The following HECTD4 variants were observed in gnomAD, a reference collection of about 807,000 sequenced individuals.
The protein encoded by HECTD4 is HECT domain E3 ubiquitin protein ligase 4.
A neutral mutation model predicts 471.5 loss-of-function variants in HECTD4; 114 were observed. That is an observed-to-expected ratio of 0.24 (90% CI 0.21 to 0.28). The LOEUF (loss-of-function observed/expected upper bound fraction) is 0.28, where lower values mean the gene tolerates loss of function less well. HECTD4 is among the 10% of genes least tolerant of loss of function. HECTD4 has a pLI of 1.00. For missense variants in HECTD4, 3,866 were observed against 5,651.5 expected (o/e 0.68, Z 10.13); for synonymous variants, 2,012 against 2,256.0 (o/e 0.89, Z 3.07).
Position 112,324,070 on chromosome 12 carries a change from CTTT to C in HECTD4, c.178-4331_178-4329del, listed in dbSNP as rs1566112176. Among the ~76,000 whole-genome samples, 418 of 82,678 alleles carry C rather than the reference CTTT, an allele frequency of 5.1e-3. 84 individuals carry two copies. The highest frequency in any genetic ancestry group is 0.025 in the African/African-American group (359 of 14,306). The allele number at this position is 82,678 out of a possible 152,430, so 54.2% of individuals were successfully genotyped here. ...CCTTTCTTTCTTTCTTTCTTTCTTTCTTTCTTTCTTTCTTTCTTTCTTTCTTTC... is the reference window on the plus strand; with the variant it reads ...CCTTTCTTTCTTTCTTTCTTTCTTTCCTTTCTTTCTTTCTTTCTTTCTTTC... On this transcript the variant is annotated intron_variant, in intron 1 of 75. Coordinates refer to ENST00000682272, the MANE Select transcript of HECTD4 (RefSeq NM_001388303.1).
chr12:112,312,255 T>C (rs1018171164), intron 4 of HECTD4, among the ~76,000 whole-genome samples: 1 of 152,214 alleles, frequency 6.6e-6, no homozygotes, highest in Non-Finnish European at 1.5e-5. Flanking sequence ...TCATCAGTTA[T>C]GTAAGATTTA....
rs7961982 is a variant in HECTD4, at chr12:112,161,178, A to C, written c.*1209T>G. 6.6e-6 allele frequency: 1 copy of C among 152,248 alleles called. No individual in the cohort carries two copies. The highest frequency in any genetic ancestry group is 2.4e-5 in the African/African-American group (1 of 41,450). The allele number at this position is 152,248 out of a possible 1,614,324, so 9.4% of individuals were successfully genotyped here. ...ATTCTGTGAGACCTGGCAAGGCCCAAAGTGACAGTGTCCAACAAGATGGCC... is the reference window on the plus strand; with the variant it reads ...ATTCTGTGAGACCTGGCAAGGCCCACAGTGACAGTGTCCAACAAGATGGCC... On this transcript the variant is annotated 3_prime_UTR_variant, in exon 76 of 76. Transcript: ENST00000682272.
At chr12:112,342,068 G>A (rs1167453243) in intron 1 of HECTD4, among the ~76,000 whole-genome samples, 1 of 152,110 alleles carries the variant, frequency 6.6e-6, no homozygotes, top group Non-Finnish European at 1.5e-5. Flanking sequence ...ATGATTTATT[G>A]TTGAAGGCTA....
intron 1 of HECTD4, among the ~76,000 whole-genome samples, chr12:112,342,293 C>CA (rs1369167684): frequency 1.3e-5 from 2 of 151,972 alleles, no homozygotes; most frequent in Non-Finnish European, 2.9e-5. Flanking sequence ...CTGTTTTCAA[C>CA]AAAAAAATTA....
chr12:112,210,386 T>A, intron 49 of HECTD4, 134 bp from the exon 50 acceptor site: 1 of 902,586 alleles, frequency 1.1e-6, no homozygotes, highest in Non-Finnish European at 1.7e-6. Flanking sequence ...AGAAACCAGG[T>A]GGGGGCTGGA....
intron 1 of HECTD4, among the ~76,000 whole-genome samples, chr12:112,360,805 G>A (rs984911004): frequency 6.6e-6 from 1 of 152,040 alleles, no homozygotes; most frequent in Non-Finnish European, 1.5e-5. Flanking sequence ...CCAACATGGT[G>A]AAACCCCATC....
Position 112,357,326 on chromosome 12 carries a change from T to C in HECTD4, c.177+24626A>G, listed in dbSNP as rs1029864573. On this transcript the variant is annotated intron_variant, in intron 1 of 75. Coordinates refer to ENST00000682272, the MANE Select transcript of HECTD4 (RefSeq NM_001388303.1). ...GAAGAGAAAGAATTTAACTGTGAAG[T>C]AGACACGGACAGTGAGGAGATGTAG... 3.3e-5 allele frequency among the ~76,000 whole-genome samples: 5 copies of C among 152,132 alleles called. No homozygotes were observed. In the East Asian group the frequency reaches 7.7e-4, roughly 23 times the overall value.
chr12:112,365,103 A>G (rs940269033), intron 1 of HECTD4, among the ~76,000 whole-genome samples: 1 of 152,276 alleles, frequency 6.6e-6, no homozygotes, highest in Non-Finnish European at 1.5e-5. Flanking sequence ...TAACAGAAAT[A>G]CATAAAACAC....
chr12:112,258,647 G>T, intron 19 of HECTD4, 51 bp from the exon 20 acceptor site: 1 of 1,450,378 alleles, frequency 6.9e-7, no homozygotes, highest in Non-Finnish European at 9.4e-7. Context: ...TCAGTTATCT[G>T]AATGGTATGA....
Position 112,235,896 on chromosome 12 carries a change from A to G in HECTD4, c.5445-112T>C. On this transcript the variant is annotated intron_variant, in intron 35 of 75. Transcript: ENST00000682272. The surrounding 1 kb of genome is among the most constrained non-coding windows in gnomAD (Gnocchi z 5.0). ...CCAATGAAATCTGATTTCACGAGGA[A>G]TCATGAATGTGGCACTATGCTTCTG... 2 of 944,718 alleles carry G rather than the reference A, an allele frequency of 2.1e-6. No homozygotes were observed. The highest frequency in any genetic ancestry group is 3.1e-6 in the Non-Finnish European group (2 of 644,054). 58.5% of individuals were successfully genotyped at this position (944,718 alleles called of 1,614,324 possible).
At chr12:112,361,317 G>A (rs559858021) in intron 1 of HECTD4, among the ~76,000 whole-genome samples, 29 of 152,140 alleles carry the variant, frequency 1.9e-4, no homozygotes, top group Non-Finnish European at 3.7e-4. Flanking sequence ...GTCTCACTCT[G>A]TCGCCCAGGC....
intron 21 of HECTD4, 99 bp from the exon 22 acceptor site, chr12:112,254,261 T>C: frequency 7.1e-7 from 1 of 1,412,940 alleles, no homozygotes; most frequent in Admixed American, 2.0e-5. Flanking sequence ...AATACAATTA[T>C]AACCAGGCAT....
chr12:112,334,172 G>A (rs1035262889), intron 1 of HECTD4, among the ~76,000 whole-genome samples: 1 of 151,548 alleles, frequency 6.6e-6, no homozygotes, highest in Non-Finnish European at 1.5e-5. Flanking sequence ...TCATGCCACT[G>A]CACTCCAGCC....
chr12:112,279,118 T>C (rs1160025196), intron 9 of HECTD4, 110 bp downstream of exon 9: 1 of 851,488 alleles, frequency 1.2e-6, no homozygotes, highest in Non-Finnish European at 1.8e-6. Flanking sequence ...ATCAGAGAGC[T>C]ATTGCAAACA....
chr12:112,313,006 T>G lies in HECTD4; in HGVS notation c.916+11A>C. 6.5e-7 allele frequency: 1 copy of G among 1,534,124 alleles called. No individual in the cohort carries two copies. Among genetic ancestry groups the G allele is most frequent in the African/African-American group, 1.4e-5 (1 of 73,096 alleles). Reference sequence around the variant, plus strand: ...TTACTATTAATCACAGGACAAAAACTTTTACATTACCTTTATTTTCAGAAC... The same window carrying G: ...TTACTATTAATCACAGGACAAAAACGTTTACATTACCTTTATTTTCAGAAC... On this transcript the variant is annotated intron_variant, in intron 4 of 75. Transcript: ENST00000682272.
At chr12:112,240,177 T>G in intron 32 of HECTD4, 150 bp from the exon 33 acceptor site, 1 of 800,262 alleles carries the variant, frequency 1.2e-6, no homozygotes, top group South Asian at 2.0e-5. Context: ...TTTCCTAGAC[T>G]ATGCAAGACT....
chr12:112,167,116 C>A, intron 72 of HECTD4: 1 of 496,420 alleles, frequency 2.0e-6, no homozygotes, highest in East Asian at 3.3e-5. Context: ...CACCTCCAAT[C>A]TCTGCTGCCA....
intron 34 of HECTD4, among the ~76,000 whole-genome samples, chr12:112,238,036 G>A (rs1354620089): frequency 5.9e-5 from 9 of 152,148 alleles, no homozygotes; most frequent in African/African-American, 1.9e-4. Flanking sequence ...TTACAGGCGT[G>A]AGCCACTGCA....
intron 1 of HECTD4, among the ~76,000 whole-genome samples, chr12:112,360,253 G>T (rs1483979597): frequency 6.6e-6 from 1 of 151,976 alleles, no homozygotes; most frequent in Non-Finnish European, 1.5e-5. Context: ...CAGGAGTCTG[G>T]GGCTGCAGTG....
Sources: gnomAD v4.1 joint callset for allele counts (sites outside exome capture counted in the v4.1 genomes callset) on GRCh38, gnomAD v4.1.1 for gene constraint, Gnocchi (gnomAD v3.1) non-coding constraint, MANE v1.5 for transcripts, NCBI Gene and HGNC (gene_info 2026-07-23, HGNC 2026-07-21) for gene names.